The following SH3RF3 variants were observed in gnomAD, a reference collection of about 807,000 sequenced individuals.
SH3RF3 encodes E3 ubiquitin-protein ligase SH3RF3.
SH3RF3 carries 29 observed loss-of-function variants against 66.3 expected under a neutral mutation model. The observed-to-expected ratio is 0.44, with a 90% CI of 0.33 to 0.60. The LOEUF is 0.60. Among genes scored for constraint, SH3RF3 ranks in the 20% least tolerant of loss-of-function variants. The pLI is 0.04. For synonymous variants in SH3RF3, 583 were observed against 532.0 expected, an observed-to-expected ratio of 1.10 and a Z score of -1.32; for missense variants, 1,194 against 1,190.9, an observed-to-expected ratio of 1.00 and a Z score of -0.04.
chr2:109,489,277 C>T (rs535172736), intron 8 of SH3RF3, among the ~76,000 whole-genome samples: 7 of 152,358 alleles, frequency 4.6e-5, no homozygotes, highest in South Asian at 4.1e-4. Flanking sequence ...GACACCTTAT[C>T]GGGTGGAGAC....
intron 8 of SH3RF3, among the ~76,000 whole-genome samples, chr2:109,468,472 G>C (rs1199429305): frequency 6.6e-6 from 1 of 152,114 alleles, no homozygotes; most frequent in East Asian, 1.9e-4. Context: ...CATGCTGCTT[G>C]GTCCCACTGG....
chr2:109,442,552 G>T (rs1420274760), intron 7 of SH3RF3, among the ~76,000 whole-genome samples: 1 of 152,082 alleles, frequency 6.6e-6, no homozygotes, highest in East Asian at 1.9e-4. Flanking sequence ...AAACTCAAAA[G>T]CAAAATGTAC....
chr2:109,224,034 A>G (rs896789831), intron 1 of SH3RF3, among the ~76,000 whole-genome samples: 8 of 152,200 alleles, frequency 5.3e-5, no homozygotes, highest in South Asian at 2.1e-4. Context: ...ATCTGTCCAC[A>G]TGGCTCATTA....
At chr2:109,485,092 A>G (rs1297400860) in intron 8 of SH3RF3, among the ~76,000 whole-genome samples, 1 of 152,254 alleles carries the variant, frequency 6.6e-6, no homozygotes, top group Non-Finnish European at 1.5e-5. Context: ...ATGGGTTATC[A>G]TGGCTAACTT....
intron 8 of SH3RF3, among the ~76,000 whole-genome samples, chr2:109,488,717 A>G (rs1247009495): frequency 6.6e-6 from 1 of 152,216 alleles, no homozygotes; most frequent in African/African-American, 2.4e-5. Flanking sequence ...GACTCGGGAA[A>G]CACCACACTT....
intron 3 of SH3RF3, among the ~76,000 whole-genome samples, chr2:109,373,723 A>T (rs896802203): frequency 3.3e-5 from 5 of 152,204 alleles, no homozygotes; most frequent in African/African-American, 1.2e-4. Flanking sequence ...TGCACAGATT[A>T]TGCTGCTGTA....
intron 1 of SH3RF3, among the ~76,000 whole-genome samples, chr2:109,204,116 G>A (rs1303611536): frequency 6.6e-6 from 1 of 152,226 alleles, no homozygotes; most frequent in Non-Finnish European, 1.5e-5. Context: ...ACAAGGCGAA[G>A]AGGGTAAGGA....
chr2:109,496,007 G>T (rs921771131), intron 9 of SH3RF3, among the ~76,000 whole-genome samples: 1 of 152,170 alleles, frequency 6.6e-6, no homozygotes, highest in African/African-American at 2.4e-5. Flanking sequence ...ACAGACCTTC[G>T]CGGTGAAGAG....
chr2:109,422,907 G>A (rs766002462), intron 5 of SH3RF3, among the ~76,000 whole-genome samples: 1 of 152,150 alleles, frequency 6.6e-6, no homozygotes, highest in Non-Finnish European at 1.5e-5. Context: ...ATCACCTACA[G>A]CAATGGAGGA....
At chr2:109,500,784 A>G (rs920379505) in intron 9 of SH3RF3, among the ~76,000 whole-genome samples, 9 of 152,048 alleles carry the variant, frequency 5.9e-5, no homozygotes, top group Non-Finnish European at 1.3e-4. Flanking sequence ...CCCCATCTCT[A>G]CAAAAAAAAA....
At chr2:109,449,075 A>G in intron 7 of SH3RF3, 95 bp from the exon 8 acceptor site, 1 of 1,427,334 alleles carries the variant, frequency 7.0e-7, no homozygotes, top group South Asian at 1.4e-5. Context: ...TGAGTGCTCG[A>G]GAAGGGAGCC....
At chr2:109,312,797 C>T (rs1681761887) in intron 1 of SH3RF3, among the ~76,000 whole-genome samples, 1 of 152,240 alleles carries the variant, frequency 6.6e-6, no homozygotes, top group Non-Finnish European at 1.5e-5. Context: ...GCTGTTTCCA[C>T]CTTTTGGCTC....
At chr2:109,240,072 T>C (rs1185678882) in intron 1 of SH3RF3, among the ~76,000 whole-genome samples, 1 of 152,182 alleles carries the variant, frequency 6.6e-6, no homozygotes, top group Non-Finnish European at 1.5e-5. Context: ...TGTTTTCTTA[T>C]GTGAGTGAAG....
At chr2:109,290,719 G>A (rs1681146440) in intron 1 of SH3RF3, among the ~76,000 whole-genome samples, 1 of 152,222 alleles carries the variant, frequency 6.6e-6, no homozygotes, top group South Asian at 2.1e-4. Flanking sequence ...CTGCCCAGCT[G>A]CACTCAAGGG....
intron 9 of SH3RF3, among the ~76,000 whole-genome samples, chr2:109,492,743 T>C (rs1050807406): frequency 3.3e-5 from 5 of 152,134 alleles, no homozygotes; most frequent in Non-Finnish European, 7.4e-5. Context: ...GCCCACGCCC[T>C]GAGCTACCTC....
intron 5 of SH3RF3, 94 bp from the exon 6 acceptor site, chr2:109,432,407 G>C: frequency 6.6e-7 from 1 of 1,508,412 alleles, no homozygotes; most frequent in Non-Finnish European, 9.0e-7. Context: ...TTTAGGTTGG[G>C]TTCCTCCAAA....
At chr2:109,287,662 C>G (rs1681060527) in intron 1 of SH3RF3, among the ~76,000 whole-genome samples, 1 of 152,118 alleles carries the variant, frequency 6.6e-6, no homozygotes, top group Admixed American at 6.5e-5. Flanking sequence ...TCAGGGTGTT[C>G]CCCTTCTGGG....
rs1173307604 is a variant in SH3RF3, at chr2:109,414,034, T to C, written c.1300-5505T>C. Among the ~76,000 whole-genome samples the C allele has an allele frequency of 3.9e-5, 6 of 152,176 alleles. No homozygotes were observed. The East Asian group carries it at 1.2e-3, about 29-fold the overall frequency. On this transcript the variant is annotated intron_variant, in intron 4 of 9. Transcript: ENST00000309415. ...CCACAGCATGCAGCTCAATGGACAA[T>C]GACATTCCCTCTGAAGCACCATCTC...
In SH3RF3 at chr2:109,502,871, C is replaced by T. The variant is rs916256163; in HGVS notation, c.*1200C>T. 1 of 152,166 alleles carries T rather than the reference C, an allele frequency of 6.6e-6. No individual in the cohort carries two copies. The highest frequency in any genetic ancestry group is 2.4e-5 in the African/African-American group (1 of 41,416). The allele number at this position is 152,166 out of a possible 1,614,324, so 9.4% of individuals were successfully genotyped here. On this transcript the variant is annotated 3_prime_UTR_variant, in exon 10 of 10. Transcript: ENST00000309415. ...TTTCTACAACAGTTTAGATCACCAC[C>T]ACCATTTTTCTTCTTTTTTAAAAAT...
Sources: gnomAD v4.1 joint callset for allele counts (sites outside exome capture counted in the v4.1 genomes callset) on GRCh38, gnomAD v4.1.1 for gene constraint, MANE v1.5 for transcripts, NCBI Gene and HGNC (gene_info 2026-07-23, HGNC 2026-07-21) for gene names.